Variants in POFUT4 observed in about 807,000 individuals in gnomAD.
POFUT4 encodes the protein protein O-fucosyltransferase 4.
At chr10:73,773,619 C>T in the POFUT4 span, 1 of 1,614,122 alleles carries the variant, frequency 6.2e-7, no homozygotes, top group African/African-American at 1.3e-5. Context: ...TGATCCTTTG[C>T]TGCCTAACTA....
the POFUT4 span, chr10:73,773,888 C>G: frequency 6.8e-7 from 1 of 1,474,022 alleles, no homozygotes; most frequent in South Asian, 1.3e-5. Context: ...TTAAGTAGCA[C>G]TAGGTGCTGA....
At chr10:73,772,666 G>T in the POFUT4 span, 1 of 1,557,784 alleles carries the variant, frequency 6.4e-7, no homozygotes, top group Non-Finnish European at 8.7e-7. Flanking sequence ...ACCGCCGAGC[G>T]CTGAGGGACT....
the POFUT4 span, among the ~76,000 whole-genome samples, chr10:73,777,020 G>C: frequency 6.6e-6 from 1 of 152,070 alleles, no homozygotes; most frequent in African/African-American, 2.4e-5. Flanking sequence ...CCTGGTTTTA[G>C]GCCCTTTTCC....
chr10:73,777,298 T>C, the POFUT4 span, among the ~76,000 whole-genome samples: 23 of 149,100 alleles, frequency 1.5e-4, no homozygotes, highest in Admixed American at 1.5e-3. Context: ...AATTTTTTGG[T>C]GAGTAGGTTG....
the POFUT4 span, chr10:73,774,091 G>C: frequency 2.6e-6 from 1 of 388,328 alleles, no homozygotes; most frequent in Non-Finnish European, 4.6e-6. Flanking sequence ...TACAGGGCCT[G>C]TGCAGACAGG....
At chr10:73,772,929 A>G in the POFUT4 span, 1 of 1,609,670 alleles carries the variant, frequency 6.2e-7, no homozygotes. Context: ...CCGCCCATGG[A>G]ACGCGCGGAG....
At chr10:73,778,249 T>C in the POFUT4 span, among the ~76,000 whole-genome samples, 1 of 148,000 alleles carries the variant, frequency 6.8e-6, no homozygotes, top group Non-Finnish European at 1.5e-5. Flanking sequence ...TAGTCAGAGC[T>C]GGGCACGGTG....
the POFUT4 span, chr10:73,772,572 G>A: frequency 4.5e-5 from 72 of 1,588,778 alleles, no homozygotes; most frequent in Non-Finnish European, 6.1e-5. Context: ...GTACTGCTGT[G>A]GTGGAGCCCA....
chr10:73,772,404 ATG>A, the POFUT4 span: 19 of 1,571,680 alleles, frequency 1.2e-5, no homozygotes, highest in Non-Finnish European at 1.6e-5. Flanking sequence ...GCCAGCGGCC[ATG>A]GGTCCGTAGC....
At chr10:73,772,731 C>T in the POFUT4 span, 4 of 1,594,910 alleles carry the variant, frequency 2.5e-6, no homozygotes, top group Admixed American at 1.7e-5. Flanking sequence ...TCGGCCGCCC[C>T]GCTGCCGCGC....
At chr10:73,779,267 A>G in the POFUT4 span, 1 of 157,954 alleles carries the variant, frequency 6.3e-6, no homozygotes, top group Non-Finnish European at 1.4e-5. Flanking sequence ...CTAAAAAAAA[A>G]AAAAAAATCT....
the POFUT4 span, chr10:73,776,307 C>G: frequency 6.6e-6 from 1 of 151,662 alleles, no homozygotes; most frequent in Non-Finnish European, 1.5e-5. Flanking sequence ...TCTCCAACTC[C>G]TGGATCAAGC....
At chr10:73,775,379 G>C in the POFUT4 span, 2 of 1,579,338 alleles carry the variant, frequency 1.3e-6, no homozygotes, top group Non-Finnish European at 1.7e-6. Flanking sequence ...TGTCGCTTGG[G>C]CTTATATTGG....
At chr10:73,778,732 T>C in the POFUT4 span, 2 of 152,230 alleles carry the variant, frequency 1.3e-5, no homozygotes, top group African/African-American at 4.8e-5. Context: ...GGCTGAATTT[T>C]ATTGCCAAAG....
the POFUT4 span, chr10:73,775,794 G>A: frequency 8.7e-7 from 1 of 1,147,292 alleles, no homozygotes; most frequent in Non-Finnish European, 1.2e-6. Context: ...GTCTTTTCAT[G>A]GATTCAAGGA....
chr10:73,772,530 G>A, the POFUT4 span: 17 of 1,565,182 alleles, frequency 1.1e-5, no homozygotes, highest in African/African-American at 1.4e-5. Flanking sequence ...GGGACGCCGC[G>A]GCCAGGGAGG....
the POFUT4 span, among the ~76,000 whole-genome samples, chr10:73,776,613 T>C: frequency 5.8e-4 from 88 of 152,242 alleles, no homozygotes; most frequent in African/African-American, 2.0e-3. Context: ...TCCAGGAATT[T>C]AAGGCTGCAA....
At chr10:73,775,182 C>G in the POFUT4 span, 1 of 532,738 alleles carries the variant, frequency 1.9e-6, no homozygotes, top group Non-Finnish European at 3.3e-6. Flanking sequence ...AAAGGTGAAA[C>G]TTAAAAGATA....
chr10:73,772,807 C>T, the POFUT4 span: 1 of 1,611,820 alleles, frequency 6.2e-7, no homozygotes, highest in Non-Finnish European at 8.5e-7. Flanking sequence ...TGCTGAGCCA[C>T]GGCCCGGGCA....
Sources: gnomAD v4.1 joint callset for allele counts (sites outside exome capture counted in the v4.1 genomes callset) on GRCh38, gnomAD v4.1.1 for gene constraint, MANE v1.5 for transcripts, NCBI Gene and HGNC (gene_info 2026-07-23, HGNC 2026-07-21) for gene names.